Variants in SDK1 observed in about 807,000 individuals in gnomAD.
SDK1 encodes protein sidekick-1.
Under a neutral mutation model 245.5 loss-of-function variants are expected in SDK1, and 157 were observed. The observed-to-expected ratio is 0.64, with a 90% CI of 0.56 to 0.73. The LOEUF (loss-of-function observed/expected upper bound fraction) is 0.73, where lower values mean the gene tolerates loss of function less well. Ranked by LOEUF, SDK1 falls within the 30% of genes least tolerant of loss-of-function variation. The probability of loss-of-function intolerance (pLI) is 0.00; values close to 1 mark genes in which losing one functional copy is unlikely to be tolerated. For synonymous variants in SDK1, 1,647 were observed against 1,278.5 expected (o/e 1.29, Z -6.15); for missense variants, 3,583 against 3,002.3 (o/e 1.19, Z -4.52).
chr7:4,039,612 G>T (rs569587059), intron 17 of SDK1, among the ~76,000 whole-genome samples: 193 of 152,250 alleles, frequency 1.3e-3, no homozygotes, highest in African/African-American at 4.5e-3. Context: ...AAAAACTCAT[G>T]AATATAAATG....
intron 1 of SDK1, among the ~76,000 whole-genome samples, chr7:3,520,279 A>G (rs1017975270): frequency 2.0e-5 from 3 of 152,166 alleles, no homozygotes; most frequent in African/African-American, 7.2e-5. Context: ...GCTGCTGGAT[A>G]AATTCTGTCC....
intron 4 of SDK1, among the ~76,000 whole-genome samples, chr7:3,695,946 G>C (rs1340751826): frequency 6.6e-6 from 1 of 152,100 alleles, no homozygotes; most frequent in Non-Finnish European, 1.5e-5. Context: ...GCAGCATTTG[G>C]AGTTGCTGAC....
intron 5 of SDK1, among the ~76,000 whole-genome samples, chr7:3,880,273 G>C (rs748724097): frequency 3.3e-5 from 5 of 152,228 alleles, no homozygotes; most frequent in Admixed American, 6.5e-5. Context: ...ATCCCGAACA[G>C]CTGGTTGAGG....
intron 4 of SDK1, among the ~76,000 whole-genome samples, chr7:3,741,355 G>A (rs1344469374): frequency 1.3e-5 from 2 of 152,242 alleles, no homozygotes; most frequent in African/African-American, 4.8e-5. Flanking sequence ...AGCTCCCAGG[G>A]GATGCTCTTC....
rs779174521 is a variant in SDK1 at position 4,045,975 on chromosome 7, T to G, written c.2603-3373T>G. Among the ~76,000 whole-genome samples the G allele has an allele frequency of 3.9e-5, 6 of 152,156 alleles. No individual in the cohort carries two copies. The East Asian group carries it at 1.2e-3, about 29-fold the overall frequency. ...TTCTTTTTTTTTGTTTTTTTCTTTTTAAGAGACAAAGTCTTACTTGGTTGC... is the reference window on the plus strand; with the variant it reads ...TTCTTTTTTTTTGTTTTTTTCTTTTGAAGAGACAAAGTCTTACTTGGTTGC... On this transcript the variant is annotated intron_variant, in intron 17 of 44. Coordinates refer to ENST00000404826, the MANE Select transcript of SDK1 (RefSeq NM_152744.4).
At chr7:3,914,178 T>C (rs1779287155) in intron 5 of SDK1, among the ~76,000 whole-genome samples, 1 of 152,256 alleles carries the variant, frequency 6.6e-6, no homozygotes, top group Admixed American at 6.5e-5. Flanking sequence ...AGTTCATTTA[T>C]GCCTTTATCA....
intron 1 of SDK1, among the ~76,000 whole-genome samples, chr7:3,563,853 C>T (rs28832366): frequency 0.22 from 33,999 of 151,886 alleles, 4,214 homozygotes; most frequent in East Asian, 0.36. Context: ...TAGGTTCACT[C>T]AGTATAATGC....
At chr7:3,573,251 G>A (rs1780173802) in intron 1 of SDK1, among the ~76,000 whole-genome samples, 1 of 152,160 alleles carries the variant, frequency 6.6e-6, no homozygotes, top group Admixed American at 6.5e-5. Flanking sequence ...TAAAGGCATT[G>A]GTGGGACGAT....
chr7:3,686,645 A>G (rs1333977893), intron 4 of SDK1, among the ~76,000 whole-genome samples: 1 of 152,080 alleles, frequency 6.6e-6, no homozygotes, highest in Non-Finnish European at 1.5e-5. Context: ...GTTGGGTGAC[A>G]GGACACAGCG....
intron 13 of SDK1, among the ~76,000 whole-genome samples, chr7:3,978,664 C>T (rs571187539): frequency 1.8e-4 from 28 of 152,180 alleles, no homozygotes; most frequent in Non-Finnish European, 3.5e-4. Flanking sequence ...TAATAATAAC[C>T]CGTGATTGCA....
At chr7:3,399,676 C>G (rs560565155) in intron 1 of SDK1, among the ~76,000 whole-genome samples, 1 of 152,232 alleles carries the variant, frequency 6.6e-6, no homozygotes, top group South Asian at 2.1e-4. Context: ...ACTGAAATCT[C>G]TGTTGGGTTT....
chr7:3,830,691 T>G (rs1779892255), intron 5 of SDK1, among the ~76,000 whole-genome samples: 1 of 152,080 alleles, frequency 6.6e-6, no homozygotes, highest in African/African-American at 2.4e-5. Flanking sequence ...GGAGACAGGA[T>G]CTGCCCATTG....
intron 38 of SDK1, among the ~76,000 whole-genome samples, chr7:4,211,619 G>GT (rs577194743): frequency 1.1e-4 from 16 of 151,674 alleles, no homozygotes; most frequent in East Asian, 1.9e-4. Flanking sequence ...TTTTGTTTCT[G>GT]TTTTTTTTGA....
At chr7:4,060,108 C>G (rs1460145077) in intron 19 of SDK1, among the ~76,000 whole-genome samples, 1 of 152,106 alleles carries the variant, frequency 6.6e-6, no homozygotes, top group Admixed American at 6.5e-5. Context: ...GTCTCGATCT[C>G]CTGACCTCGT....
chr7:4,144,692 G>A (rs1443127389), intron 28 of SDK1, among the ~76,000 whole-genome samples: 4 of 152,158 alleles, frequency 2.6e-5, no homozygotes, highest in Non-Finnish European at 5.9e-5. Flanking sequence ...CGGAACAGAG[G>A]CTGAGGGCAG....
chr7:3,691,970 A>C (rs895390955), intron 4 of SDK1, among the ~76,000 whole-genome samples: 5 of 152,066 alleles, frequency 3.3e-5, no homozygotes, highest in African/African-American at 9.7e-5. Context: ...TGGGTCTTTC[A>C]GTCTGTCCCC....
At chr7:4,111,374 A>T (rs1460742675) in intron 23 of SDK1, among the ~76,000 whole-genome samples, 2 of 152,206 alleles carry the variant, frequency 1.3e-5, no homozygotes, top group Non-Finnish European at 2.9e-5. Context: ...TTATCACCAG[A>T]TGTTGAGTTT....
chr7:3,713,527 G>A (rs1001517043), intron 4 of SDK1, among the ~76,000 whole-genome samples: 7 of 152,164 alleles, frequency 4.6e-5, no homozygotes, highest in Non-Finnish European at 8.8e-5. Flanking sequence ...CGCAGCACTG[G>A]CTTTTCTGTC....
chr7:4,204,638 G>A (rs1462119473), intron 35 of SDK1, among the ~76,000 whole-genome samples: 3 of 152,130 alleles, frequency 2.0e-5, no homozygotes, highest in African/African-American at 4.8e-5. Context: ...CTGTTTTATC[G>A]TCTCCATCGA....
Sources: gnomAD v4.1 joint callset for allele counts (sites outside exome capture counted in the v4.1 genomes callset) on GRCh38, gnomAD v4.1.1 for gene constraint, MANE v1.5 for transcripts, NCBI Gene and HGNC (gene_info 2026-07-23, HGNC 2026-07-21) for gene names.